Variants in GPX7 observed in about 807,000 individuals in gnomAD.
GPX7 encodes the protein protein peroxidase GPX7.
GPX7 carries 21 observed loss-of-function variants against 23.7 expected under a neutral mutation model. The ratio of observed to expected loss-of-function variants is 0.89; its 90% CI spans 0.63 to 1.28. The LOEUF is 1.28. Among genes scored for constraint, GPX7 ranks in the 50% most tolerant of loss-of-function variants. The pLI is 0.00. For missense variants in GPX7, 238 were observed against 237.3 expected (o/e 1.00, Z -0.02); for synonymous variants, 112 against 101.8 (o/e 1.10, Z -0.61).
intron 2 of GPX7, 118 bp from the exon 3 acceptor site, chr1:52,608,144 T>A (rs926064355): frequency 1.1e-6 from 1 of 874,852 alleles, no homozygotes; most frequent in African/African-American, 1.7e-5. Flanking sequence ...TGGAGTGGTC[T>A]GGGGTGTGGA....
chr1:52,602,516 A>C lies in GPX7; in HGVS notation c.107A>C (p.Lys36Thr). The change falls in exon 1 of 3, where the codon AAA becomes ACA. Residue 36 changes from lysine (K) to threonine (T), a missense_variant. Physicochemically the swap from Lys to Thr is moderately conservative, Grantham distance 78. Coordinates refer to ENST00000361314, the MANE Select transcript of GPX7 (RefSeq NM_015696.5). ...TTCAAGGCGGTCAACATCCGGGGCA[A>C]ACTGGTGTCGCTGGAGAAGTACCGC... ...YDFKAVNIRG[K>T]LVSLEKYRGS... The C allele has an allele frequency of 3.2e-6, 5 of 1,564,636 alleles. No homozygotes were observed. Among genetic ancestry groups the C allele is most frequent in the Non-Finnish European group, 4.3e-6 (5 of 1,159,670 alleles).
intron 2 of GPX7, 148 bp downstream of exon 2, chr1:52,607,093 C>G (rs1477871657): frequency 3.9e-6 from 3 of 768,388 alleles, no homozygotes; most frequent in Non-Finnish European, 6.6e-6. Context: ...TTTGTTCCAG[C>G]ACTAATCTTT....
In GPX7 at chr1:52,606,683, G is replaced by A; in HGVS notation, c.139-1G>A. The A allele has an allele frequency of 6.2e-7, 1 of 1,612,524 alleles. No individual in the cohort carries two copies. The highest frequency in any genetic ancestry group is 8.5e-7 in the Non-Finnish European group (1 of 1,179,574). ...TGTTTTGTTTTGTTTCTGTCATACA[G>A]GTGTCCCTGGTGGTGAATGTGGCCA... On this transcript the variant is annotated splice_acceptor_variant, in intron 1 of 2. Transcript: ENST00000361314. LOFTEE classifies it high-confidence loss of function.
At position 52,608,404 on chromosome 1, in the gene GPX7, A is replaced by G; in HGVS notation, c.543A>G (p.Leu181=). The G allele has an allele frequency of 6.2e-7, 1 of 1,612,628 alleles. No homozygotes were observed. Among genetic ancestry groups the G allele is most frequent in the Non-Finnish European group, 8.5e-7 (1 of 1,179,464 alleles). ...QITALVRKLI[L]LKREDL ...CAGCGCTCGTGAGGAAGCTCATCCT[A>G]CTGAAGCGAGAAGACTTATAACCAC... is the stretch of plus-strand genomic sequence containing the variant. The change falls in exon 3 of 3, where the codon CTA becomes CTG. Residue 181 remains leucine, a synonymous_variant. Coordinates refer to ENST00000361314, the MANE Select transcript of GPX7 (RefSeq NM_015696.5).
chr1:52,608,182 G>T, intron 2 of GPX7, 80 bp from the exon 3 acceptor site: 1 of 1,357,210 alleles, frequency 7.4e-7, no homozygotes. Context: ...CTGCCACCAG[G>T]GAAAGATGGA....
At chr1:52,602,803 C>T (rs1269191103) in intron 1 of GPX7, among the ~76,000 whole-genome samples, 1 of 151,994 alleles carries the variant, frequency 6.6e-6, no homozygotes. Context: ...TCGCAGTCGG[C>T]GCCCACTTCG....
intron 2 of GPX7, among the ~76,000 whole-genome samples, chr1:52,608,051 C>T (rs1453126189): frequency 6.6e-6 from 1 of 152,192 alleles, no homozygotes; most frequent in Non-Finnish European, 1.5e-5. Flanking sequence ...AGCAGTCGTT[C>T]TCAACCTCGG....
At chr1:52,605,778 C>T (rs913002583) in intron 1 of GPX7, among the ~76,000 whole-genome samples, 2 of 152,160 alleles carry the variant, frequency 1.3e-5, no homozygotes, top group Admixed American at 1.3e-4. Flanking sequence ...TGAGTCCAGC[C>T]TGGACAACAT....
At chr1:52,606,608 G>A (rs1690854811) in intron 1 of GPX7, 76 bp from the exon 2 acceptor site, 12 of 1,506,708 alleles carry the variant, frequency 8.0e-6, no homozygotes, top group Non-Finnish European at 1.1e-5. Flanking sequence ...ATATGTGGAT[G>A]TGTCAGGGCA....
In GPX7 at chr1:52,608,677, C is replaced by A; in HGVS notation, c.*252C>A. The A allele has an allele frequency of 3.8e-6, 1 of 266,556 alleles. No homozygotes were observed. The highest frequency in any genetic ancestry group is 7.1e-6 in the Non-Finnish European group (1 of 140,288). 16.5% of individuals were successfully genotyped at this position (266,556 alleles called of 1,614,324 possible). A position where few individuals can be genotyped will look rare whatever the true frequency, so the allele number is the denominator to read the frequency against. On this transcript the variant is annotated 3_prime_UTR_variant, in exon 3 of 3. Coordinates refer to ENST00000361314, the MANE Select transcript of GPX7 (RefSeq NM_015696.5). ...TCACCAGCCGATACGAACGTCTTGCCAACAAAAATGTGTGGCAAATAGAAG... is the reference window on the plus strand; with the variant it reads ...TCACCAGCCGATACGAACGTCTTGCAAACAAAAATGTGTGGCAAATAGAAG...
In GPX7 at chr1:52,608,156, TG is replaced by T. The variant is rs1162751954; in HGVS notation, c.401-103del. 7 of 1,006,954 alleles carry T rather than the reference TG, an allele frequency of 7.0e-6. No homozygotes were observed. The Admixed American group carries it at 1.7e-4, about 25-fold the overall frequency. The allele number at this position is 1,006,954 out of a possible 1,614,324, so 62.4% of individuals were successfully genotyped here. The stretch of plus-strand genomic sequence containing the variant: ...GGTTGGAGTGGTCTGGGGTGTGGAC[TG>T]GGCATCAGGATTAGCTGCCACCAGG... On this transcript the variant is annotated intron_variant, in intron 2 of 2. Transcript: ENST00000361314.
At chr1:52,603,824 C>T (rs1228999580) in intron 1 of GPX7, among the ~76,000 whole-genome samples, 1 of 152,106 alleles carries the variant, frequency 6.6e-6, no homozygotes, top group Admixed American at 6.6e-5. Flanking sequence ...GAGTGCTTTG[C>T]ACCTGTGTTT....
intron 1 of GPX7, among the ~76,000 whole-genome samples, chr1:52,604,551 G>C (rs573839492): frequency 6.6e-6 from 1 of 152,272 alleles, no homozygotes; most frequent in South Asian, 2.1e-4. Flanking sequence ...TTTGTGAATG[G>C]TTTACTTCTT....
At chr1:52,605,106 G>A (rs1223386884) in intron 1 of GPX7, among the ~76,000 whole-genome samples, 1 of 151,756 alleles carries the variant, frequency 6.6e-6, no homozygotes, top group Non-Finnish European at 1.5e-5. Context: ...TCCAGCAGGG[G>A]GAAAAAAAGG....
chr1:52,607,033 G>C, intron 2 of GPX7, 88 bp downstream of exon 2: 2 of 1,452,608 alleles, frequency 1.4e-6, no homozygotes, highest in Non-Finnish European at 1.9e-6. Flanking sequence ...TGGCTGGTTG[G>C]GTGACCTGGG....
At position 52,606,871 on chromosome 1, in the gene GPX7, G is replaced by A. The variant is rs867568879; in HGVS notation, c.326G>A (p.Ser109Asn). 1.2e-6 allele frequency: 2 copies of A among 1,614,092 alleles called. No individual in the cohort carries two copies. Among genetic ancestry groups the A allele is most frequent in the Non-Finnish European group, 1.7e-6 (2 of 1,180,054 alleles). The stretch of plus-strand genomic sequence containing the variant: ...GAGAGCTTTGCCCGCCGCACCTACA[G>A]TGTCTCATTCCCCATGTTTAGCAAG... The part of the protein sequence containing the change: ...EIESFARRTY[S>N]VSFPMFSKIA... Residue 109 changes from serine (S) to asparagine (N), a missense_variant, in exon 2 of 3, where the codon AGT becomes AAT. Ser to Asn is a conservative substitution (Grantham distance 46). Coordinates refer to ENST00000361314, the MANE Select transcript of GPX7 (RefSeq NM_015696.5).
intron 2 of GPX7, among the ~76,000 whole-genome samples, chr1:52,607,804 G>T (rs1191932863): frequency 6.6e-6 from 1 of 152,028 alleles, no homozygotes; most frequent in Non-Finnish European, 1.5e-5. Flanking sequence ...GCTTTTAGAA[G>T]CACCTGGGGA....
chr1:52,603,879 C>T (rs1467747982), intron 1 of GPX7, among the ~76,000 whole-genome samples: 1 of 152,096 alleles, frequency 6.6e-6, no homozygotes, highest in African/African-American at 2.4e-5. Flanking sequence ...GGGCAAAGAA[C>T]CAAGAACAGG....
Position 52,606,746 on chromosome 1 carries a change from G to A in GPX7, c.201G>A (p.Leu67=). 4 of 1,614,140 alleles carry A rather than the reference G, an allele frequency of 2.5e-6. No individual in the cohort carries two copies. The highest frequency in any genetic ancestry group is 3.4e-6 in the Non-Finnish European group (4 of 1,180,028). Residue 67 remains leucine, a synonymous_variant, in exon 2 of 3, where the codon CTG becomes CTA. Coordinates refer to ENST00000361314, the MANE Select transcript of GPX7 (RefSeq NM_015696.5). The stretch of plus-strand genomic sequence containing the variant: ...TCACAGACCAGCACTACCGAGCCCT[G>A]CAGCAGCTGCAGCGAGACCTGGGCC... ...CGFTDQHYRA[L]QQLQRDLGPH...
Sources: gnomAD v4.1 joint callset for allele counts (sites outside exome capture counted in the v4.1 genomes callset) on GRCh38, gnomAD v4.1.1 for gene constraint, MANE v1.5 for transcripts, NCBI Gene and HGNC (gene_info 2026-07-23, HGNC 2026-07-21) for gene names.